PCDH15: variants seen among roughly 807,000 people sequenced by gnomAD.
PCDH15 encodes the protein protocadherin related 15, also known as protocadherin-15.
PCDH15 carries 129 observed loss-of-function variants against 178.5 expected under a neutral mutation model. The ratio of observed to expected loss-of-function variants is 0.72; its 90% CI spans 0.63 to 0.84. PCDH15 has a LOEUF of 0.84. Among genes scored for constraint, PCDH15 ranks in the 40% least tolerant of loss-of-function variants. The pLI is 0.00. For synonymous variants in PCDH15, 800 were observed against 732.0 expected (o/e 1.09, Z -1.50); for missense variants, 2,230 against 2,099.9 (o/e 1.06, Z -1.21).
At chr10:54,184,445 T>C (rs1320402313) in intron 12 of PCDH15, among the ~76,000 whole-genome samples, 1 of 150,290 alleles carries the variant, frequency 6.7e-6, no homozygotes, top group African/African-American at 2.5e-5. Flanking sequence ...TTTGTGTGCA[T>C]GTGTGTGTAT....
chr10:55,272,150 G>A (rs907651260), intron 1 of PCDH15, among the ~76,000 whole-genome samples: 1 of 151,752 alleles, frequency 6.6e-6, no homozygotes, highest in Non-Finnish European at 1.5e-5. Context: ...TTATCCAGAA[G>A]CTTATGCCAA....
intron 25 of PCDH15, among the ~76,000 whole-genome samples, chr10:53,921,127 T>C (rs1258864931): frequency 6.6e-6 from 1 of 152,152 alleles, no homozygotes; most frequent in East Asian, 1.9e-4. Flanking sequence ...AATATGTCAT[T>C]AAGTCCAAGC....
At chr10:54,197,757 G>A (rs1476243254) in intron 10 of PCDH15, among the ~76,000 whole-genome samples, 1 of 152,018 alleles carries the variant, frequency 6.6e-6, no homozygotes, top group Non-Finnish European at 1.5e-5. Flanking sequence ...AGGGATTGCT[G>A]ACTTTTCACC....
intron 1 of PCDH15, among the ~76,000 whole-genome samples, chr10:55,178,839 C>G (rs1332742973): frequency 6.6e-6 from 1 of 152,192 alleles, no homozygotes; most frequent in Non-Finnish European, 1.5e-5. Flanking sequence ...ACCCCTAATC[C>G]TGAATGCCCA....
At chr10:55,551,280 A>ACTG (rs1841998716) in intron 2 of PCDH15, among the ~76,000 whole-genome samples, 1 of 151,964 alleles carries the variant, frequency 6.6e-6, no homozygotes, top group Non-Finnish European at 1.5e-5. Context: ...ACTGAATCAC[A>ACTG]CTGCTAAATT....
At chr10:53,823,924 T>C (rs180982959) in intron 32 of PCDH15, 7 of 379,234 alleles carry the variant, frequency 1.8e-5, no homozygotes, top group Admixed American at 8.9e-5. Context: ...AAAATCACAA[T>C]TGAGAAATTG....
At chr10:54,365,611 G>T (rs996239784) in intron 5 of PCDH15, among the ~76,000 whole-genome samples, 14 of 151,900 alleles carry the variant, frequency 9.2e-5, no homozygotes, top group Admixed American at 9.2e-4. Flanking sequence ...AATTTTGGGG[G>T]GTGAGATGAA....
chr10:54,074,363 C>G (rs1464980108), intron 17 of PCDH15, among the ~76,000 whole-genome samples: 1 of 152,090 alleles, frequency 6.6e-6, no homozygotes, highest in Non-Finnish European at 1.5e-5. Flanking sequence ...TTTCTTTATC[C>G]TCTGGCAACC....
chr10:54,482,686 A>T (rs2136949130), intron 3 of PCDH15, among the ~76,000 whole-genome samples: 1 of 151,976 alleles, frequency 6.6e-6, no homozygotes, highest in Non-Finnish European at 1.5e-5. Flanking sequence ...AAACACTTGT[A>T]AGGAGATTTA....
chr10:54,102,519 C>A (rs2094831388), intron 15 of PCDH15, among the ~76,000 whole-genome samples: 1 of 152,160 alleles, frequency 6.6e-6, no homozygotes, highest in African/African-American at 2.4e-5. Context: ...TATGCTCAGG[C>A]CAAATAGGAG....
At chr10:55,293,563 G>A (rs571739449) in intron 1 of PCDH15, among the ~76,000 whole-genome samples, 9 of 152,264 alleles carry the variant, frequency 5.9e-5, no homozygotes, top group African/African-American at 2.2e-4. Flanking sequence ...CAGCACCCAA[G>A]TCACATCTTG....
intron 20 of PCDH15, among the ~76,000 whole-genome samples, chr10:53,997,439 T>A (rs2091908025): frequency 6.6e-6 from 1 of 152,090 alleles, no homozygotes; most frequent in Non-Finnish European, 1.5e-5. Flanking sequence ...ACCCCTAAAT[T>A]GTAACTTCTG....
chr10:55,076,615 T>C (rs1361737119), intron 2 of PCDH15, among the ~76,000 whole-genome samples: 1 of 151,502 alleles, frequency 6.6e-6, no homozygotes, highest in Non-Finnish European at 1.5e-5. Context: ...GGCTAATTAT[T>C]ATTATTATTA....
intron 1 of PCDH15, among the ~76,000 whole-genome samples, chr10:55,308,252 C>T (rs534454790): frequency 1.3e-5 from 2 of 152,164 alleles, no homozygotes; most frequent in South Asian, 4.2e-4. Flanking sequence ...CTATAACAAG[C>T]GGTGAATTAT....
intron 2 of PCDH15, among the ~76,000 whole-genome samples, chr10:55,510,841 T>C (rs142936142): frequency 1.3e-5 from 2 of 149,102 alleles, no homozygotes; most frequent in East Asian, 3.9e-4. Context: ...TACACATATA[T>C]ACTATATATA....
At chr10:53,813,947 G>A (rs2075969729) in intron 35 of PCDH15, among the ~76,000 whole-genome samples, 1 of 152,092 alleles carries the variant, frequency 6.6e-6, no homozygotes, top group Non-Finnish European at 1.5e-5. Context: ...TTTCTTATGG[G>A]CGTAGGTTTT....
chr10:54,771,920 C>T (rs993916153), intron 1 of PCDH15, among the ~76,000 whole-genome samples: 1 of 152,100 alleles, frequency 6.6e-6, no homozygotes, highest in Non-Finnish European at 1.5e-5. Context: ...GCTTAAAAAT[C>T]TACCTTATTG....
At chr10:54,417,558 A>G (rs551258334) in intron 3 of PCDH15, among the ~76,000 whole-genome samples, 5 of 152,280 alleles carry the variant, frequency 3.3e-5, no homozygotes, top group Non-Finnish European at 5.9e-5. Context: ...AATGTTTACT[A>G]TTTCATAGCA....
chr10:55,244,027 T>C (rs1305052226), intron 1 of PCDH15, among the ~76,000 whole-genome samples: 1 of 152,052 alleles, frequency 6.6e-6, no homozygotes. Context: ...AATATTTTCT[T>C]TCAAAAAATC....
Sources: gnomAD v4.1 joint callset for allele counts (sites outside exome capture counted in the v4.1 genomes callset) on GRCh38, gnomAD v4.1.1 for gene constraint, MANE v1.5 for transcripts, NCBI Gene and HGNC (gene_info 2026-07-23, HGNC 2026-07-21) for gene names.